The following CWH43 variants were observed in gnomAD, a reference collection of about 807,000 sequenced individuals.
CWH43 encodes the protein cell wall biogenesis 43 C-terminal homolog.
In CWH43, 91 loss-of-function variants were observed where a neutral mutation model predicts 85.7. The observed-to-expected ratio is 1.06, with a 90% CI of 0.90 to 1.26. CWH43 has a LOEUF of 1.26. CWH43 is among the 50% of genes most tolerant of loss of function. CWH43 has a pLI of 0.00. For synonymous variants in CWH43, 323 were observed against 293.6 expected (o/e 1.10, Z -1.02); for missense variants, 869 against 839.2 (o/e 1.04, Z -0.44).
intron 9 of CWH43, among the ~76,000 whole-genome samples, chr4:49,017,725 C>T (rs187489950): frequency 6.6e-6 from 1 of 152,246 alleles, no homozygotes; most frequent in Non-Finnish European, 1.5e-5. Context: ...GGTATCTGTT[C>T]TACTTCTGGG....
chr4:48,988,333 C>T, intron 1 of CWH43, 144 bp from the exon 2 acceptor site: 2 of 466,522 alleles, frequency 4.3e-6, no homozygotes, highest in South Asian at 1.1e-4. Context: ...TGTTCCATGT[C>T]AGTGGAGACA....
chr4:49,010,807 G>C (rs572319627), intron 8 of CWH43, among the ~76,000 whole-genome samples: 1 of 152,254 alleles, frequency 6.6e-6, no homozygotes, highest in East Asian at 1.9e-4. Context: ...TCTTAATCCT[G>C]AATTCTAATT....
At chr4:49,015,824 A>T (rs76909245) in intron 8 of CWH43, among the ~76,000 whole-genome samples, 1 of 152,258 alleles carries the variant, frequency 6.6e-6, no homozygotes, top group African/African-American at 2.4e-5. Flanking sequence ...TATTATAATT[A>T]TCTTTTTATT....
intron 2 of CWH43, 96 bp downstream of exon 2, chr4:48,988,764 T>TA (rs1782568445): frequency 3.9e-6 from 3 of 765,160 alleles, no homozygotes; most frequent in African/African-American, 1.8e-5. Context: ...TATTTGAATT[T>TA]AAAAAATCAA....
chr4:48,996,298 T>TAC (rs36210509), intron 5 of CWH43, among the ~76,000 whole-genome samples: 3,489 of 149,966 alleles, frequency 0.023, 59 homozygotes, highest in East Asian at 0.099. Context: ...TATATATGTG[T>TAC]ACACACACAC....
intron 6 of CWH43, among the ~76,000 whole-genome samples, chr4:49,001,034 C>CCG (rs1553913004): frequency 7.9e-5 from 12 of 152,120 alleles, no homozygotes; most frequent in African/African-American, 2.9e-4. Context: ...ATAATGCAAG[C>CCG]TGTGGCCAAA....
intron 15 of CWH43, among the ~76,000 whole-genome samples, chr4:49,058,369 TCCC>T (rs1488744727): frequency 1.3e-5 from 2 of 152,176 alleles, no homozygotes; most frequent in African/African-American, 2.4e-5. Context: ...TAGCTTTTCC[TCCC>T]ACTACATTTT....
intron 14 of CWH43, among the ~76,000 whole-genome samples, chr4:49,045,348 A>G (rs1233322601): frequency 6.6e-6 from 1 of 152,234 alleles, no homozygotes; most frequent in Non-Finnish European, 1.5e-5. Flanking sequence ...TTACCCGAGT[A>G]TATCACATAC....
intron 15 of CWH43, among the ~76,000 whole-genome samples, chr4:49,058,581 T>A (rs1312819763): frequency 3.3e-5 from 5 of 152,220 alleles, no homozygotes; most frequent in South Asian, 4.1e-4. Flanking sequence ...CTTTCATATG[T>A]GTTCACATTT....
intron 15 of CWH43, among the ~76,000 whole-genome samples, chr4:49,056,682 A>G (rs2768959): frequency 0.59 from 88,684 of 150,660 alleles, 28,938 homozygotes; most frequent in Admixed American, 0.75. Flanking sequence ...AATATTTATT[A>G]TTTACTTCCT....
chr4:49,050,611 A>C, intron 14 of CWH43, 83 bp from the exon 15 acceptor site: 1 of 1,092,068 alleles, frequency 9.2e-7, no homozygotes, highest in Non-Finnish European at 1.3e-6. Flanking sequence ...AACTGGTTTA[A>C]TAACAAAGGG....
chr4:49,056,247 A>G (rs1304586397), intron 15 of CWH43, among the ~76,000 whole-genome samples: 2 of 151,998 alleles, frequency 1.3e-5, no homozygotes, highest in Non-Finnish European at 2.9e-5. Flanking sequence ...ATATGAACTC[A>G]TCATTTTTCT....
At position 49,057,754 on chromosome 4, in the gene CWH43, C is replaced by T. The variant is rs182822221; in HGVS notation, c.2022-4058C>T. ...CTATTGTATTGCTGTCTAGTTCTCC[C>T]TTCAGTTCTGTTAATATTTTCTTCA... On this transcript the variant is annotated intron_variant, in intron 15 of 15. Coordinates refer to ENST00000226432, the MANE Select transcript of CWH43 (RefSeq NM_025087.3). Among the ~76,000 whole-genome samples the T allele has an allele frequency of 4.7e-3, 709 of 152,202 alleles. 3 individuals are homozygous for T. The highest frequency in any genetic ancestry group is 6.7e-3 in the Non-Finnish European group (453 of 68,006).
chr4:49,004,271 CGTAAACAAT>C (rs1224194129), intron 7 of CWH43, among the ~76,000 whole-genome samples: 1 of 152,150 alleles, frequency 6.6e-6, no homozygotes, highest in Non-Finnish European at 1.5e-5. Flanking sequence ...CATACTAAAG[CGTAAACAAT>C]GTAACACTTG....
chr4:49,058,155 T>C (rs888895778), intron 15 of CWH43, among the ~76,000 whole-genome samples: 5 of 152,204 alleles, frequency 3.3e-5, no homozygotes, highest in African/African-American at 7.2e-5. Flanking sequence ...CTGACTGTTT[T>C]ACAGTTCCTT....
At chr4:48,995,046 T>C (rs1285621552) in intron 5 of CWH43, among the ~76,000 whole-genome samples, 2 of 152,180 alleles carry the variant, frequency 1.3e-5, no homozygotes, top group Non-Finnish European at 2.9e-5. Context: ...GGAGGCCCAA[T>C]GGTTGTGCAC....
At chr4:48,995,528 G>A (rs932082040) in intron 5 of CWH43, among the ~76,000 whole-genome samples, 2 of 152,160 alleles carry the variant, frequency 1.3e-5, no homozygotes, top group Non-Finnish European at 2.9e-5. Context: ...TCTTACAATT[G>A]AAGGCATGCA....
chr4:49,010,273 T>C (rs1783311463), intron 8 of CWH43, among the ~76,000 whole-genome samples: 1 of 152,230 alleles, frequency 6.6e-6, no homozygotes, highest in African/African-American at 2.4e-5. Context: ...TAGAGGTGTT[T>C]ATAGTATTCT....
At chr4:49,021,315 T>C (rs189140474) in intron 9 of CWH43, among the ~76,000 whole-genome samples, 1 of 152,346 alleles carries the variant, frequency 6.6e-6, no homozygotes, top group East Asian at 1.9e-4. Flanking sequence ...TAGAATGTCC[T>C]TTTCCACTTT....
Sources: allele counts gnomAD v4.1 joint callset (sites outside exome capture counted in the v4.1 genomes callset), GRCh38; gene constraint gnomAD v4.1.1; transcripts MANE v1.5; gene names NCBI Gene and HGNC (gene_info 2026-07-23, HGNC 2026-07-21).